Variants in KCNQ5 observed in about 807,000 individuals in gnomAD.
KCNQ5 encodes the protein potassium voltage-gated channel subfamily Q member 5.
Under a neutral mutation model 98.2 loss-of-function variants are expected in KCNQ5, and 30 were observed. That is an observed-to-expected ratio of 0.31 (90% CI 0.23 to 0.41). The LOEUF (loss-of-function observed/expected upper bound fraction) is 0.41, where lower values mean the gene tolerates loss of function less well. KCNQ5 is among the 10% of genes least tolerant of loss of function. KCNQ5 has a pLI of 1.00. For missense variants in KCNQ5, 835 were observed against 1,182.5 expected (o/e 0.71, Z 4.31); for synonymous variants, 458 against 449.4 (o/e 1.02, Z -0.24).
intron 1 of KCNQ5, among the ~76,000 whole-genome samples, chr6:72,954,977 T>G (rs1456155366): frequency 6.6e-6 from 1 of 152,240 alleles, no homozygotes; most frequent in Admixed American, 6.5e-5. Flanking sequence ...ACTTGAGATT[T>G]GTTCTTAGCT....
intron 5 of KCNQ5, among the ~76,000 whole-genome samples, chr6:73,100,012 A>G (rs1164887750): frequency 6.6e-6 from 1 of 152,236 alleles, no homozygotes; most frequent in Non-Finnish European, 1.5e-5. Flanking sequence ...CCACAATTGA[A>G]TGAAACTAAA....
chr6:73,021,530 CT>C (rs1402450158), intron 2 of KCNQ5, among the ~76,000 whole-genome samples: 1 of 152,154 alleles, frequency 6.6e-6, no homozygotes, highest in Non-Finnish European at 1.5e-5. Flanking sequence ...CATAAGCTCC[CT>C]AAGAGTGGAC....
intron 3 of KCNQ5, among the ~76,000 whole-genome samples, chr6:73,076,224 A>C (rs968611150): frequency 6.6e-6 from 1 of 152,208 alleles, no homozygotes; most frequent in African/African-American, 2.4e-5. Context: ...GAGCTGAATG[A>C]GGAATACTCA....
intron 6 of KCNQ5, among the ~76,000 whole-genome samples, chr6:73,106,367 TC>T (rs2150420852): frequency 6.6e-6 from 1 of 152,286 alleles, no homozygotes; most frequent in South Asian, 2.1e-4. Flanking sequence ...TACATCTTTG[TC>T]ACATACTAAC....
chr6:72,849,040 T>C (rs982857560), intron 1 of KCNQ5, among the ~76,000 whole-genome samples: 1 of 152,062 alleles, frequency 6.6e-6, no homozygotes, highest in African/African-American at 2.4e-5. Context: ...TTGCTTCACT[T>C]AATAGCCTCC....
At position 72,967,668 on chromosome 6, in the gene KCNQ5, T is replaced by C. The variant is rs139667853; in HGVS notation, c.399-36240T>C. On this transcript the variant is annotated intron_variant, in intron 1 of 13. Coordinates refer to ENST00000370398, the MANE Select transcript of KCNQ5 (RefSeq NM_019842.4). Reference sequence around the variant, plus strand: ...TAAAAACCATTAAGGTCACTTAAGATATCAGTCAGAAGGTGAATAGGATGA... The same window carrying C: ...TAAAAACCATTAAGGTCACTTAAGACATCAGTCAGAAGGTGAATAGGATGA... The C allele has an allele frequency of 3.2e-3, 497 of 154,884 alleles. 16 individuals carry two copies. The highest frequency in any genetic ancestry group is 0.028 in the Admixed American group (426 of 15,300). The allele number at this position is 154,884 out of a possible 1,614,324, so 9.6% of individuals were successfully genotyped here.
chr6:73,076,170 T>A (rs956130318), intron 3 of KCNQ5, among the ~76,000 whole-genome samples: 2 of 152,146 alleles, frequency 1.3e-5, no homozygotes, highest in Non-Finnish European at 2.9e-5. Flanking sequence ...ATCTTCTCAG[T>A]CCACACCAGG....
chr6:72,909,544 A>T (rs1779840206), intron 1 of KCNQ5, among the ~76,000 whole-genome samples: 1 of 152,194 alleles, frequency 6.6e-6, no homozygotes, highest in Non-Finnish European at 1.5e-5. Flanking sequence ...GTGGGGAGAC[A>T]GCCTGCATTG....
Position 72,947,369 on chromosome 6 carries a change from A to G in KCNQ5, c.399-56539A>G, listed in dbSNP as rs573922226. On this transcript the variant is annotated intron_variant, in intron 1 of 13. Transcript: ENST00000370398. ...ATCAAAAAATATTTATTCAAGCTAT[A>G]CTTTATAGAAGAGGGGCAGAGTTTG... Among the ~76,000 whole-genome samples the G allele has an allele frequency of 2.0e-5, 3 of 152,252 alleles. No homozygotes were observed. The South Asian group carries it at 6.2e-4, about 32-fold the overall frequency.
At chr6:73,090,237 G>C (rs1313012195) in intron 5 of KCNQ5, among the ~76,000 whole-genome samples, 1 of 151,736 alleles carries the variant, frequency 6.6e-6, no homozygotes, top group Non-Finnish European at 1.5e-5. Context: ...CATGTCCTTA[G>C]CCCACTTTTT....
intron 1 of KCNQ5, among the ~76,000 whole-genome samples, chr6:72,786,168 T>C (rs1345803657): frequency 6.6e-6 from 1 of 152,152 alleles, no homozygotes; most frequent in African/African-American, 2.4e-5. Context: ...CAAAATCCAG[T>C]GTGTATTTTA....
intron 1 of KCNQ5, among the ~76,000 whole-genome samples, chr6:72,651,063 T>C (rs1299248696): frequency 3.3e-5 from 5 of 152,128 alleles, no homozygotes; most frequent in Non-Finnish European, 7.4e-5. Flanking sequence ...ACCTTCTGTG[T>C]GGAGGTAAAG....
intron 1 of KCNQ5, among the ~76,000 whole-genome samples, chr6:72,817,395 A>C (rs1775552256): frequency 6.6e-6 from 1 of 152,244 alleles, no homozygotes; most frequent in South Asian, 2.1e-4. Context: ...ACTCACAATT[A>C]GATTCTAAAA....
intron 1 of KCNQ5, among the ~76,000 whole-genome samples, chr6:72,753,577 A>G (rs1181767353): frequency 6.6e-6 from 1 of 152,108 alleles, no homozygotes; most frequent in East Asian, 1.9e-4. Flanking sequence ...TTTCAGTTCA[A>G]CATCTAAACC....
intron 1 of KCNQ5, among the ~76,000 whole-genome samples, chr6:72,978,464 G>A (rs146095691): frequency 1.1e-3 from 161 of 152,270 alleles, no homozygotes; most frequent in Middle Eastern, 3.4e-3. Flanking sequence ...TATTTTGACA[G>A]GCCAATATCT....
intron 1 of KCNQ5, among the ~76,000 whole-genome samples, chr6:72,856,078 A>C (rs1777521057): frequency 6.6e-6 from 1 of 152,202 alleles, no homozygotes; most frequent in East Asian, 1.9e-4. Flanking sequence ...ACAGCTGCAT[A>C]CAAATGGTAT....
chr6:72,961,553 C>T (rs1384926993), intron 1 of KCNQ5, among the ~76,000 whole-genome samples: 4 of 137,800 alleles, frequency 2.9e-5, no homozygotes, highest in Admixed American at 1.6e-4. Flanking sequence ...ACCCGGGAGG[C>T]GGAGCTTGCA....
intron 3 of KCNQ5, among the ~76,000 whole-genome samples, chr6:73,045,468 A>G (rs542479002): frequency 4.8e-4 from 73 of 152,244 alleles, no homozygotes; most frequent in Non-Finnish European, 8.2e-4. Flanking sequence ...ATAACATTCT[A>G]TAGCTATGAG....
intron 5 of KCNQ5, among the ~76,000 whole-genome samples, chr6:73,098,425 AC>A (rs1387421151): frequency 1.3e-5 from 2 of 152,178 alleles, no homozygotes; most frequent in African/African-American, 4.8e-5. Context: ...GCTATAGAAC[AC>A]CAAACAGATT....
Sources: gnomAD v4.1 joint callset for allele counts (sites outside exome capture counted in the v4.1 genomes callset) on GRCh38, gnomAD v4.1.1 for gene constraint, MANE v1.5 for transcripts, NCBI Gene and HGNC (gene_info 2026-07-23, HGNC 2026-07-21) for gene names.